Variants in UGT1A1 observed in about 807,000 individuals in gnomAD.
UGT1A1 encodes the protein UDP-glucuronosyltransferase 1A1.
Under a neutral mutation model 40.6 loss-of-function variants are expected in UGT1A1, and 33 were observed. The observed-to-expected ratio is 0.81, with a 90% CI of 0.62 to 1.09. The LOEUF is 1.09. Among genes scored for constraint, UGT1A1 ranks in the 50% least tolerant of loss-of-function variants. UGT1A1 has a pLI of 0.00. For missense variants in UGT1A1, 694 were observed against 671.2 expected (o/e 1.03, Z -0.38); for synonymous variants, 249 against 265.0 (o/e 0.94, Z 0.59).
chr2:233,765,190 A>G (rs186057259), intron 1 of UGT1A1, among the ~76,000 whole-genome samples: 22 of 152,308 alleles, frequency 1.4e-4, no homozygotes, highest in Admixed American at 5.2e-4. Flanking sequence ...ACATCACACA[A>G]TCATATTAGT....
rs1700515616 is a variant in UGT1A1, at chr2:233,772,390, C to A, written c.1433C>A (p.Ala478Asp). 4 of 1,614,144 alleles carry A rather than the reference C, an allele frequency of 2.5e-6. No individual in the cohort carries two copies. The highest frequency in any genetic ancestry group is 3.4e-6 in the Non-Finnish European group (4 of 1,180,058). Residue 478 changes from alanine (A) to aspartate (D), a missense_variant, in exon 5 of 5, where the codon GCC (alanine) becomes GAC (aspartate). Transcript: ENST00000305208. ...GGCGCGCCACACCTGCGCCCCGCAGCCCACGACCTCACCTGGTACCAGTAC... is the reference window on the plus strand; with the variant it reads ...GGCGCGCCACACCTGCGCCCCGCAGACCACGACCTCACCTGGTACCAGTAC... ...HKGAPHLRPA[A>D]HDLTWYQYHS...
chr2:233,765,502 A>G (rs1698851224), intron 1 of UGT1A1, among the ~76,000 whole-genome samples: 1 of 152,194 alleles, frequency 6.6e-6, no homozygotes, highest in Non-Finnish European at 1.5e-5. Flanking sequence ...AAACTAACAC[A>G]GGAACAGAAA....
At chr2:233,768,775 G>A (rs577472067) in intron 4 of UGT1A1, among the ~76,000 whole-genome samples, 18 of 151,802 alleles carry the variant, frequency 1.2e-4, no homozygotes, top group Admixed American at 9.2e-4. Flanking sequence ...GTAGAGAAAG[G>A]GTTTCACCAT....
Position 233,768,319 on chromosome 2 carries a change from G to C in UGT1A1, c.1184G>C (p.Gly395Ala), listed in dbSNP as rs367897068. The C allele has an allele frequency of 1.4e-5, 23 of 1,614,162 alleles. No individual in the cohort carries two copies. In the South Asian group the frequency reaches 2.2e-4, roughly 15 times the overall value. ...CCCATGGTGATGATGCCCTTGTTTG[G>C]TGATCAGATGGACAATGCAAAGCGC... is the stretch of plus-strand genomic sequence containing the variant. ...GVPMVMMPLF[G>A]DQMDNAKRME... The change falls in exon 4 of 5, where the codon GGT (glycine) becomes GCT (alanine). Residue 395 changes from glycine to alanine, a missense_variant. Transcript: ENST00000305208.
In UGT1A1 at chr2:233,768,530, C is replaced by T. The variant is rs181512709; in HGVS notation, c.1304+91C>T. On this transcript the variant is annotated intron_variant, in intron 4 of 4. Transcript: ENST00000305208. ...AAAACATTTACGTAGCATTTAATAG[C>T]GTTGTTTCAAATATAAAAACAAATA... 249 of 1,496,408 alleles carry T rather than the reference C, an allele frequency of 1.7e-4. No homozygotes were observed. In the African/African-American group the frequency reaches 3.2e-3, roughly 19 times the overall value. The allele number at this position is 1,496,408 out of a possible 1,614,324, so 92.7% of individuals were successfully genotyped here. A position where few individuals can be genotyped will look rare whatever the true frequency, so the allele number is the denominator to read the frequency against.
chr2:233,764,618 A>G (rs1306085339), intron 1 of UGT1A1, among the ~76,000 whole-genome samples: 3 of 152,108 alleles, frequency 2.0e-5, no homozygotes, highest in Non-Finnish European at 2.9e-5. Flanking sequence ...AGTGGGTTTC[A>G]TGAAGAGCAA....
In UGT1A1 at chr2:233,769,767, A is replaced by G. The variant is rs1575845901; in HGVS notation, c.1304+1328A>G. 7.3e-7 allele frequency: 1 copy of G among 1,374,516 alleles called. No individual in the cohort carries two copies. The highest frequency in any genetic ancestry group is 9.5e-7 in the Non-Finnish European group (1 of 1,054,324). 85.1% of individuals were successfully genotyped at this position (1,374,516 alleles called of 1,614,324 possible). On this transcript the variant is annotated intron_variant, in intron 4 of 4. Coordinates refer to ENST00000305208, the MANE Select transcript of UGT1A1 (RefSeq NM_000463.3). The surrounding 1 kb of genome is among the most constrained non-coding windows in gnomAD (Gnocchi z 4.4). ...CCACTCTGGAGGCTAAGGCGGGAGG[A>G]TTGCTTGAGCCCAGAAGTTGGAGGC...
chr2:233,762,002 C>A (rs1378101119), intron 1 of UGT1A1, among the ~76,000 whole-genome samples: 2 of 152,188 alleles, frequency 1.3e-5, no homozygotes, highest in Non-Finnish European at 2.9e-5. Flanking sequence ...TTCCACTATA[C>A]CTCCAATGTG....
At chr2:233,761,216 A>T in intron 1 of UGT1A1, 65 bp downstream of exon 1, 2 of 1,613,736 alleles carry the variant, frequency 1.2e-6, no homozygotes, top group Non-Finnish European at 1.7e-6. Flanking sequence ...TGGATCGATT[A>T]ACTAGCCCCA....
In UGT1A1 at chr2:233,760,883, C is replaced by T. The variant is rs550460320; in HGVS notation, c.596C>T (p.Ser199Phe). Residue 199 changes from serine to phenylalanine, a missense_variant, in exon 1 of 5, where the codon TCT becomes TTT. Ser to Phe is a radical substitution (Grantham distance 155, BLOSUM62 -2). Coordinates refer to ENST00000305208, the MANE Select transcript of UGT1A1 (RefSeq NM_000463.3). ...PFSYVPRPLS[S>F]HSDHMTFLQR... is the part of the protein sequence containing the mutation. Reference sequence around the variant, plus strand: ...TCCTACGTGCCCAGGCCTCTCTCCTCTCATTCAGATCACATGACCTTCCTG... The same window carrying T: ...TCCTACGTGCCCAGGCCTCTCTCCTTTCATTCAGATCACATGACCTTCCTG... 1.9e-6 allele frequency: 3 copies of T among 1,614,168 alleles called. No individual in the cohort carries two copies. Among genetic ancestry groups the T allele is most frequent in the South Asian group, 2.2e-5 (2 of 91,080 alleles).
intron 1 of UGT1A1, 104 bp from the exon 2 acceptor site, chr2:233,766,930 T>G: frequency 1.9e-6 from 3 of 1,580,254 alleles, no homozygotes; most frequent in Admixed American, 1.8e-5. Flanking sequence ...ACGCATGCCT[T>G]TAATCATAGT....
intron 4 of UGT1A1, chr2:233,771,511 A>G (rs1282263981): frequency 1.3e-5 from 2 of 152,328 alleles, no homozygotes; most frequent in Non-Finnish European, 2.9e-5. Context: ...ACTGAATTAC[A>G]AATATATCAT....
chr2:233,769,044 C>T lies in UGT1A1; in HGVS notation c.1304+605C>T, dbSNP rs1247244577. ...AAGTTGCCATAATAGACATCTGATC[C>T]ATAAGTTTCCTGCACAGAAAGAAAT... On this transcript the variant is annotated intron_variant, in intron 4 of 4. Coordinates refer to ENST00000305208, the MANE Select transcript of UGT1A1 (RefSeq NM_000463.3). The surrounding 1 kb of genome is among the most constrained non-coding windows in gnomAD (Gnocchi z 4.4). Among the ~76,000 whole-genome samples the T allele has an allele frequency of 6.6e-6, 1 of 152,006 alleles. No individual in the cohort carries two copies. The highest frequency in any genetic ancestry group is 1.5e-5 in the Non-Finnish European group (1 of 68,012).
rs760844779 is a variant in UGT1A1 at position 233,772,567 on chromosome 2, G to A, written c.*8G>A. On this transcript the variant is annotated 3_prime_UTR_variant, in exon 5 of 5. Transcript: ENST00000305208. ...AAATCCAAGACCCATTGAGAAGTGG[G>A]TGGGAAATAAGGTAAAATTTTGAAC... 6.2e-7 allele frequency: 1 copy of A among 1,612,906 alleles called. No individual in the cohort carries two copies.
intron 1 of UGT1A1, among the ~76,000 whole-genome samples, chr2:233,766,324 C>T (rs1363274147): frequency 2.0e-5 from 3 of 152,132 alleles, no homozygotes; most frequent in East Asian, 1.9e-4. Context: ...AGCCAAACTC[C>T]GCGTTGTTCT....
chr2:233,769,918 G>T lies in UGT1A1; in HGVS notation c.1304+1479G>T. ...TGAGCATCATGTGCCCAGAGCGTTG[G>T]GTGGTGTGGTCCCATTCCTTCCTTC... is the stretch of plus-strand genomic sequence containing the variant. On this transcript the variant is annotated intron_variant, in intron 4 of 4. Coordinates refer to ENST00000305208, the MANE Select transcript of UGT1A1 (RefSeq NM_000463.3). This position sits in a 1 kb window ranked among gnomAD's most constrained non-coding sequence, Gnocchi z 4.4. The T allele has an allele frequency of 3.5e-6, 1 of 286,558 alleles. No homozygotes were observed. The highest frequency in any genetic ancestry group is 6.5e-6 in the Non-Finnish European group (1 of 153,120). 17.8% of individuals were successfully genotyped at this position (286,558 alleles called of 1,614,324 possible). A position where few individuals can be genotyped will look rare whatever the true frequency, so the allele number is the denominator to read the frequency against.
intron 2 of UGT1A1, among the ~76,000 whole-genome samples, chr2:233,767,555 C>A (rs1317722684): frequency 3.3e-5 from 5 of 152,206 alleles, no homozygotes; most frequent in Non-Finnish European, 7.3e-5. Context: ...AGTTCTGCAT[C>A]CACTTGTTTC....
chr2:233,760,503 A>G lies in UGT1A1; in HGVS notation c.216A>G (p.Ala72=). ...PDASLYIRDG[A]FYTLKTYPVP... is the part of the protein sequence containing the mutation. ...CCTCGTTGTACATCAGAGACGGAGC[A>G]TTTTACACCTTGAAGACGTACCCTG... Residue 72 remains alanine (A), a synonymous_variant, in exon 1 of 5, where the codon GCA becomes GCG. Coordinates refer to ENST00000305208, the MANE Select transcript of UGT1A1 (RefSeq NM_000463.3). 6.2e-7 allele frequency: 1 copy of G among 1,614,262 alleles called. No homozygotes were observed. The highest frequency in any genetic ancestry group is 8.5e-7 in the Non-Finnish European group (1 of 1,180,052).
intron 2 of UGT1A1, 76 bp from the exon 3 acceptor site, chr2:233,767,773 C>G: frequency 6.2e-7 from 1 of 1,611,908 alleles, no homozygotes; most frequent in Admixed American, 1.7e-5. Flanking sequence ...CCCCTGTTTT[C>G]TAGTTAGTAT....
Sources: gnomAD v4.1 joint callset for allele counts (sites outside exome capture counted in the v4.1 genomes callset) on GRCh38, gnomAD v4.1.1 for gene constraint, Gnocchi (gnomAD v3.1) non-coding constraint, MANE v1.5 for transcripts, NCBI Gene and HGNC (gene_info 2026-07-23, HGNC 2026-07-21) for gene names.